DSCAML1: variants seen among roughly 807,000 people sequenced by gnomAD.
The protein encoded by DSCAML1 is DS cell adhesion molecule like 1.
DSCAML1 carries 38 observed loss-of-function variants against 200.5 expected under a neutral mutation model. The observed-to-expected ratio is 0.19, with a 90% CI of 0.15 to 0.25. The LOEUF is 0.25. Ranked by LOEUF, DSCAML1 falls within the 10% of genes least tolerant of loss-of-function variation. The pLI, the probability that DSCAML1 is intolerant of heterozygous loss-of-function variation, is 1.00. For missense variants in DSCAML1, 2,223 were observed against 2,858.8 expected, an observed-to-expected ratio of 0.78 and a Z score of 5.07; for synonymous variants, 1,215 against 1,165.0, an observed-to-expected ratio of 1.04 and a Z score of -0.87.
At chr11:117,544,784 A>T (rs2137375772) in intron 3 of DSCAML1, among the ~76,000 whole-genome samples, 1 of 152,224 alleles carries the variant, frequency 6.6e-6, no homozygotes, top group South Asian at 2.1e-4. Context: ...TAGGTTTTAG[A>T]TCCTCCTTGT....
chr11:117,738,728 TG>T (rs540542177), intron 3 of DSCAML1, among the ~76,000 whole-genome samples: 427 of 152,306 alleles, frequency 2.8e-3, no homozygotes, highest in Non-Finnish European at 4.7e-3. Context: ...GTAACTTTCA[TG>T]ACCGTCTGCT....
chr11:117,685,853 A>T (rs975005068), intron 3 of DSCAML1, among the ~76,000 whole-genome samples: 1 of 152,174 alleles, frequency 6.6e-6, no homozygotes, highest in African/African-American at 2.4e-5. Context: ...TAGCAGTGGT[A>T]TGATGACTGT....
chr11:117,790,826 T>C (rs905083031), intron 1 of DSCAML1, among the ~76,000 whole-genome samples: 7 of 152,084 alleles, frequency 4.6e-5, no homozygotes, highest in African/African-American at 7.3e-5. Flanking sequence ...CTGAGCTTTG[T>C]TTTTTAGGTC....
At chr11:117,661,326 G>A (rs1456709374) in intron 3 of DSCAML1, among the ~76,000 whole-genome samples, 1 of 152,238 alleles carries the variant, frequency 6.6e-6, no homozygotes, top group African/African-American at 2.4e-5. Context: ...CCATGGCAAT[G>A]CAAGGCCTTC....
At chr11:117,639,927 C>A (rs1416086872) in intron 3 of DSCAML1, among the ~76,000 whole-genome samples, 1 of 152,174 alleles carries the variant, frequency 6.6e-6, no homozygotes, top group Non-Finnish European at 1.5e-5. Context: ...GCCATCCAAG[C>A]CCCACAGGAG....
rs555620708 is a variant in DSCAML1, at chr11:117,713,837, C to T, written c.511+62954G>A. On this transcript the variant is annotated intron_variant, in intron 3 of 32. Transcript: ENST00000651296. ...GTGGGCAGTGGTGGTGGAATTACCC[C>T]AGCACCCCAGACACTACTACTGAGG... Among the ~76,000 whole-genome samples the T allele has an allele frequency of 5.9e-5, 9 of 152,232 alleles. 1 individual carries two copies. In the East Asian group the frequency reaches 1.4e-3, roughly 23 times the overall value.
intron 3 of DSCAML1, among the ~76,000 whole-genome samples, chr11:117,669,350 C>T (rs777711262): frequency 5.9e-5 from 9 of 152,334 alleles, no homozygotes; most frequent in Admixed American, 1.3e-4. Flanking sequence ...CTCTGCCTCA[C>T]GTTGCCAGTG....
At chr11:117,478,434 C>T (rs866548019) in intron 14 of DSCAML1, among the ~76,000 whole-genome samples, 2 of 152,146 alleles carry the variant, frequency 1.3e-5, no homozygotes, top group Non-Finnish European at 2.9e-5. Flanking sequence ...TGGACACAGT[C>T]AGCCCTTTTG....
chr11:117,542,074 C>A (rs371222884), intron 3 of DSCAML1, among the ~76,000 whole-genome samples: 13 of 152,138 alleles, frequency 8.5e-5, no homozygotes, highest in African/African-American at 3.1e-4. Flanking sequence ...CTTTGGGAGG[C>A]CAAGTAGGGT....
At chr11:117,773,825 T>C (rs1389712601) in intron 3 of DSCAML1, among the ~76,000 whole-genome samples, 2 of 152,242 alleles carry the variant, frequency 1.3e-5, no homozygotes, top group East Asian at 3.9e-4. Context: ...TAGAATGATC[T>C]AGAATGATTA....
At chr11:117,466,031 T>C (rs772819833) in intron 16 of DSCAML1, among the ~76,000 whole-genome samples, 7 of 152,208 alleles carry the variant, frequency 4.6e-5, no homozygotes, top group Admixed American at 6.5e-5. Flanking sequence ...GGAAAAGAGT[T>C]TGGCAGTTCC....
intron 11 of DSCAML1, among the ~76,000 whole-genome samples, chr11:117,485,858 C>A (rs1372535257): frequency 6.6e-6 from 1 of 152,222 alleles, no homozygotes; most frequent in African/African-American, 2.4e-5. Context: ...TGGCCAGAGT[C>A]AACCTCCATT....
intron 3 of DSCAML1, among the ~76,000 whole-genome samples, chr11:117,751,072 G>C (rs909272601): frequency 2.8e-4 from 42 of 152,164 alleles, no homozygotes; most frequent in Admixed American, 1.2e-3. Flanking sequence ...GAGGGCAGGG[G>C]CTGGGACTGC....
chr11:117,654,440 G>C (rs1205654387), intron 3 of DSCAML1, among the ~76,000 whole-genome samples: 5 of 152,152 alleles, frequency 3.3e-5, no homozygotes, highest in Non-Finnish European at 2.9e-5. Flanking sequence ...TCACATTCTG[G>C]GCACACTATC....
At chr11:117,440,321 G>A (rs1381053566) in intron 21 of DSCAML1, among the ~76,000 whole-genome samples, 1 of 152,208 alleles carries the variant, frequency 6.6e-6, no homozygotes, top group East Asian at 1.9e-4. Flanking sequence ...AATGAATGCT[G>A]CCCATAAGTG....
chr11:117,433,644 G>A (rs1043151582), intron 27 of DSCAML1, among the ~76,000 whole-genome samples, 173 bp from the exon 28 acceptor site: 3 of 152,162 alleles, frequency 2.0e-5, no homozygotes, highest in Admixed American at 6.5e-5. Context: ...AAAACATGAC[G>A]CGGTTTCACT....
intron 1 of DSCAML1, 25 bp downstream of exon 1, chr11:117,797,009 G>T (rs370021430): frequency 3.6e-6 from 5 of 1,407,680 alleles, no homozygotes; most frequent in Non-Finnish European, 4.7e-6. Context: ...CGCCTCCGCC[G>T]CCCAGCCGCC....
intron 3 of DSCAML1, among the ~76,000 whole-genome samples, chr11:117,663,704 C>G (rs1185816724): frequency 6.6e-6 from 1 of 152,200 alleles, no homozygotes; most frequent in East Asian, 1.9e-4. Context: ...TTAATCTTCT[C>G]CTTCCCTTGG....
intron 3 of DSCAML1, among the ~76,000 whole-genome samples, chr11:117,733,767 ATGCATGTAAAACAT>A (rs773040879): frequency 2.0e-5 from 3 of 152,028 alleles, no homozygotes; most frequent in African/African-American, 4.8e-5. Context: ...AACCGATTGC[ATGCATGTAAAACAT>A]GCATCTTGTC....
Sources: allele counts gnomAD v4.1 joint callset (sites outside exome capture counted in the v4.1 genomes callset), GRCh38; gene constraint gnomAD v4.1.1; transcripts MANE v1.5; gene names NCBI Gene and HGNC (gene_info 2026-07-23, HGNC 2026-07-21).